The following ZNF700 variants were observed in gnomAD, a reference collection of about 807,000 sequenced individuals.
ZNF700 encodes the protein zinc finger protein 700.
In ZNF700, 38 loss-of-function variants were observed where a neutral mutation model predicts 65.3. The observed-to-expected ratio is 0.58, with a 90% confidence interval of 0.45 to 0.76. ZNF700 has a LOEUF of 0.76. Ranked by LOEUF, ZNF700 falls within the 30% of genes least tolerant of loss-of-function variation. The pLI is 0.00. For synonymous variants in ZNF700, 285 were observed against 290.4 expected, an observed-to-expected ratio of 0.98 and a Z score of 0.19; for missense variants, 857 against 888.4, an observed-to-expected ratio of 0.96 and a Z score of 0.45.
At chr19:11,936,262 C>T (rs1001936881) in intron 1 of ZNF700, among the ~76,000 whole-genome samples, 12 of 152,206 alleles carry the variant, frequency 7.9e-5, no homozygotes, top group African/African-American at 2.9e-4. Context: ...GGAATCGCCA[C>T]ACTGTCTTCC....
intron 1 of ZNF700, among the ~76,000 whole-genome samples, chr19:11,940,373 G>A (rs931606996): frequency 1.3e-5 from 2 of 152,144 alleles, no homozygotes; most frequent in African/African-American, 4.8e-5. Flanking sequence ...TCTGGAGTTT[G>A]TTCCTTCTGA....
rs1384149697 is a variant in ZNF700 at position 11,950,350 on chromosome 19, C to T, written c.*97C>T. 24 of 1,300,428 alleles carry T rather than the reference C, an allele frequency of 1.8e-5. No homozygotes were observed. Among genetic ancestry groups the T allele is most frequent in the East Asian group, 4.6e-5 (2 of 43,266 alleles). 80.6% of individuals were successfully genotyped at this position (1,300,428 alleles called of 1,614,324 possible). On this transcript the variant is annotated 3_prime_UTR_variant, in exon 4 of 4. Coordinates refer to ENST00000254321, the MANE Select transcript of ZNF700 (RefSeq NM_144566.3). ...AACTTTCACATTTTCCAGTTCTTTT[C>T]GATATCATGAAAGGACTCACACTGG...
At chr19:11,947,045 G>C in intron 1 of ZNF700, 136 bp from the exon 2 acceptor site, 1 of 1,386,726 alleles carries the variant, frequency 7.2e-7, no homozygotes, top group Non-Finnish European at 9.6e-7. Context: ...TAGATGGAGA[G>C]AAAGGGATCT....
chr19:11,947,030 A>G, intron 1 of ZNF700, 151 bp from the exon 2 acceptor site: 1 of 1,277,834 alleles, frequency 7.8e-7, no homozygotes, highest in African/African-American at 1.5e-5. Flanking sequence ...GGAAGAAAGT[A>G]AGTATAGATG....
chr19:11,939,107 T>C (rs1407183708), intron 1 of ZNF700, among the ~76,000 whole-genome samples: 3 of 152,226 alleles, frequency 2.0e-5, no homozygotes, highest in Non-Finnish European at 2.9e-5. Context: ...TTTAAGTTCT[T>C]TGTAGATTCT....
chr19:11,943,056 CATT>C (rs892367889), intron 1 of ZNF700, among the ~76,000 whole-genome samples: 11 of 152,148 alleles, frequency 7.2e-5, no homozygotes, highest in African/African-American at 2.7e-4. Context: ...CAAAGCTTCT[CATT>C]ATTTGAAGGA....
chr19:11,948,456 C>T lies in ZNF700; in HGVS notation c.432C>T (p.Ser144=). 6.2e-7 allele frequency: 1 copy of T among 1,614,074 alleles called. No individual in the cohort carries two copies. The highest frequency in any genetic ancestry group is 8.5e-7 in the Non-Finnish European group (1 of 1,180,014). ...VGIGNSSFNM[S]IRGDTGHKAY... ...TAGGTAACTCATCTTTTAATATGAG[C>T]ATCAGAGGTGACACTGGACACAAGG... The change falls in exon 4 of 4, where the codon AGC becomes AGT. Residue 144 remains serine (S), a synonymous_variant. Transcript: ENST00000254321.
At position 11,948,948 on chromosome 19, in the gene ZNF700, C is replaced by T; in HGVS notation, c.924C>T (p.Cys308=). Residue 308 remains cysteine, a synonymous_variant, in exon 4 of 4, where the codon TGC becomes TGT. Coordinates refer to ENST00000254321, the MANE Select transcript of ZNF700 (RefSeq NM_144566.3). ...RSHMGEKPYQ[C]KECGKAFAYT... ...ACATGGGAGAGAAGCCTTATCAATG[C>T]AAAGAATGTGGAAAAGCATTTGCAT... 1 of 1,608,234 alleles carries T rather than the reference C, an allele frequency of 6.2e-7. No individual in the cohort carries two copies. Among genetic ancestry groups the T allele is most frequent in the South Asian group, 1.1e-5 (1 of 89,536 alleles).
At chr19:11,931,157 C>T (rs965537224) in intron 1 of ZNF700, among the ~76,000 whole-genome samples, 2 of 148,136 alleles carry the variant, frequency 1.4e-5, no homozygotes, top group African/African-American at 5.3e-5. Flanking sequence ...TCTTAGTCAT[C>T]TTGGGCTGCT....
intron 1 of ZNF700, among the ~76,000 whole-genome samples, chr19:11,933,736 TA>T (rs1251127152): frequency 4.8e-5 from 7 of 147,052 alleles, no homozygotes; most frequent in Non-Finnish European, 1.0e-4. Flanking sequence ...TTTATTTATC[TA>T]AAAAAAATTT....
rs777747861 is a variant in ZNF700 at position 11,949,512 on chromosome 19, A to G, written c.1488A>G (p.Glu496=). 3.1e-6 allele frequency: 5 copies of G among 1,611,220 alleles called. No homozygotes were observed. The highest frequency in any genetic ancestry group is 1.3e-5 in the African/African-American group (1 of 74,284). Residue 496 remains glutamate (E), a synonymous_variant, in exon 4 of 4, where the codon GAA becomes GAG. Transcript: ENST00000254321. Reference sequence around the variant, plus strand: ...ACCTTCAAATTCATGAAAGGACAGAAAAACACATAAGAATGCCCTCTGGAG... The same window carrying G: ...ACCTTCAAATTCATGAAAGGACAGAGAAACACATAAGAATGCCCTCTGGAG... ...VKHLQIHERT[E]KHIRMPSGER...
chr19:11,944,874 C>A (rs1227881619), intron 1 of ZNF700, among the ~76,000 whole-genome samples: 1 of 152,200 alleles, frequency 6.6e-6, no homozygotes, highest in Non-Finnish European at 1.5e-5. Flanking sequence ...GACTCCTGGC[C>A]TAGATGGGTG....
chr19:11,945,268 A>C (rs1483005269), intron 1 of ZNF700, among the ~76,000 whole-genome samples: 1 of 152,132 alleles, frequency 6.6e-6, no homozygotes, highest in Non-Finnish European at 1.5e-5. Context: ...AGTACTGCAA[A>C]GTTTGGGATC....
At chr19:11,943,809 A>G (rs947445318) in intron 1 of ZNF700, among the ~76,000 whole-genome samples, 2 of 152,210 alleles carry the variant, frequency 1.3e-5, no homozygotes, top group Admixed American at 1.3e-4. Context: ...ACAAGTCCAA[A>G]TTTTAAGGAG....
chr19:11,926,978 C>G (rs1355197453), intron 1 of ZNF700, among the ~76,000 whole-genome samples: 2 of 152,134 alleles, frequency 1.3e-5, no homozygotes, highest in Non-Finnish European at 1.5e-5. Context: ...AGGTCCTGAT[C>G]AGACCCCAGG....
Position 11,947,305 on chromosome 19 carries a change from T to C in ZNF700, c.188T>C (p.Ile63Thr). The C allele has an allele frequency of 6.2e-7, 1 of 1,613,724 alleles. No homozygotes were observed. Among genetic ancestry groups the C allele is most frequent in the East Asian group, 2.2e-5 (1 of 44,886 alleles). ...MLETFRNLTSIGKKWSDQNIE... is the reference protein window; with the variant it reads ...MLETFRNLTSTGKKWSDQNIE... ...GAAACTTTCAGGAACCTGACCTCTA[T>C]AGGTAAGGATGACAATATTCCTTCC... The change falls in exon 2 of 4, where the codon ATA (isoleucine) becomes ACA (threonine). Residue 63 changes from isoleucine to threonine, a missense_variant and splice_region_variant. By Grantham distance (89) the Ile-to-Thr change is moderately conservative (BLOSUM62 -1). This residue lies in a region of ZNF700 where 603 missense variants were observed against 619.9 expected (regional missense o/e 0.97). Coordinates refer to ENST00000254321, the MANE Select transcript of ZNF700 (RefSeq NM_144566.3).
intron 1 of ZNF700, among the ~76,000 whole-genome samples, chr19:11,943,435 TC>T (rs751030389): frequency 2.6e-5 from 4 of 152,222 alleles, no homozygotes; most frequent in Non-Finnish European, 5.9e-5. Flanking sequence ...AGTGATTATT[TC>T]TAAGATAGCT....
chr19:11,939,070 G>T (rs928867557), intron 1 of ZNF700, among the ~76,000 whole-genome samples: 12 of 152,092 alleles, frequency 7.9e-5, no homozygotes, highest in African/African-American at 4.8e-5. Flanking sequence ...TTTTGATGGG[G>T]TTGTTTGATT....
chr19:11,950,458 GGA>G lies in ZNF700; in HGVS notation c.*210_*211del, dbSNP rs1281827020. On this transcript the variant is annotated 3_prime_UTR_variant, in exon 4 of 4. Coordinates refer to ENST00000254321, the MANE Select transcript of ZNF700 (RefSeq NM_144566.3). ...TCAATGTCATGAAAGGACTCACACG[GGA>G]GAGAAACCCTATGAGTGTATTCTAG... 5.7e-6 allele frequency: 4 copies of G among 703,368 alleles called. No individual in the cohort carries two copies. The East Asian group carries it at 1.0e-4, about 18-fold the overall frequency. The allele number at this position is 703,368 out of a possible 1,614,324, so 43.6% of individuals were successfully genotyped here.
Sources: allele counts gnomAD v4.1 joint callset (sites outside exome capture counted in the v4.1 genomes callset), GRCh38; gene constraint gnomAD v4.1.1; regional missense constraint gnomAD v4.1.1; transcripts MANE v1.5; gene names NCBI Gene and HGNC (gene_info 2026-07-23, HGNC 2026-07-21).